LLGL1: variants seen among roughly 807,000 people sequenced by gnomAD.
LLGL1 encodes the protein lethal(2) giant larvae protein homolog 1.
A neutral mutation model predicts 110.6 loss-of-function variants in LLGL1; 58 were observed. The ratio of observed to expected loss-of-function variants is 0.52; its 90% confidence interval spans 0.42 to 0.65. LLGL1 has a LOEUF of 0.65. Ranked by LOEUF, LLGL1 falls within the 30% of genes least tolerant of loss-of-function variation. LLGL1 has a pLI of 0.00. For missense variants in LLGL1, 1,229 were observed against 1,462.1 expected, an observed-to-expected ratio of 0.84 and a Z score of 2.60; for synonymous variants, 674 against 607.2, an observed-to-expected ratio of 1.11 and a Z score of -1.62.
chr17:18,241,781 T>G, intron 18 of LLGL1, 66 bp downstream of exon 18: 1 of 1,608,288 alleles, frequency 6.2e-7, no homozygotes, highest in Non-Finnish European at 8.5e-7. Flanking sequence ...CCAGTACTGC[T>G]TGGGAGCAGG....
chr17:18,229,185 T>A (rs778812604), intron 1 of LLGL1, among the ~76,000 whole-genome samples: 1 of 152,038 alleles, frequency 6.6e-6, no homozygotes, highest in Non-Finnish European at 1.5e-5. Context: ...GACAGGAGAC[T>A]GGTGCAGAAA....
In LLGL1 at chr17:18,241,998, AG is replaced by A; in HGVS notation, c.2882+1del. The A allele has an allele frequency of 6.2e-7, 1 of 1,610,956 alleles. No individual in the cohort carries two copies. The highest frequency in any genetic ancestry group is 8.5e-7 in the Non-Finnish European group (1 of 1,177,236). On this transcript the variant is annotated frameshift_variant and splice_region_variant, in exon 19 of 23. Transcript: ENST00000316843. LOFTEE classifies it high-confidence loss of function. ...CTGGCCCCGCGATGCCACCCAGGCC[AG>A]GTGTGTGGAGGGGCAGCTCCTAGCC... ...INWPRDATQASYRIRESPKLS... is the reference protein window; with the variant it reads ...INWPRDATQAXYRIRESPKLS...
chr17:18,233,538 C>T (rs937915080), intron 4 of LLGL1, among the ~76,000 whole-genome samples: 13 of 152,174 alleles, frequency 8.5e-5, no homozygotes, highest in South Asian at 2.1e-4. Context: ...GTGGGAGGAG[C>T]TGGGAGCCCA....
intron 14 of LLGL1, 125 bp downstream of exon 14, chr17:18,237,898 C>T: frequency 3.9e-6 from 5 of 1,293,168 alleles, no homozygotes; most frequent in South Asian, 1.4e-5. Flanking sequence ...TAAGAAATAA[C>T]CTGGCAGCTC....
Position 18,240,109 on chromosome 17 carries a change from G to C in LLGL1, c.2207-469G>C, listed in dbSNP as rs933429042. 2.0e-5 allele frequency among the ~76,000 whole-genome samples: 3 copies of C among 152,134 alleles called. No homozygotes were observed. Among genetic ancestry groups the C allele is most frequent in the African/African-American group, 7.2e-5 (3 of 41,420 alleles). ...GTAGGGAGCACACTGAAGACAGTGGGGGTGAAGCAGGGCTAAGACAAGGCA... is the reference window on the plus strand; with the variant it reads ...GTAGGGAGCACACTGAAGACAGTGGCGGTGAAGCAGGGCTAAGACAAGGCA... On this transcript the variant is annotated intron_variant, in intron 16 of 22. Coordinates refer to ENST00000316843, the MANE Select transcript of LLGL1 (RefSeq NM_004140.4). The surrounding 1 kb of genome is among the most constrained non-coding windows in gnomAD (Gnocchi z 5.3).
intron 15 of LLGL1, 112 bp downstream of exon 15, chr17:18,238,326 C>A: frequency 3.2e-6 from 5 of 1,575,992 alleles, no homozygotes; most frequent in Non-Finnish European, 3.4e-6. Context: ...TCGGCAGCCC[C>A]TGGGCCCTCC....
rs2047811813 is a variant in LLGL1, at chr17:18,240,770, GCCGCCCACTGCCCGAGCCCTACGAGGC to G, written c.2401_2427del (p.Arg801_Ala809del). The stretch of plus-strand genomic sequence containing the variant: ...GCCATTGCCGTGTTGGACGGGCGTG[GCCGCCCACTGCCCGAGCCCTACGAGGC>G]CTCACGGGACCTGGCGCAGGCACCT... On this transcript the variant is annotated inframe_deletion, in exon 17 of 23. Coordinates refer to ENST00000316843, the MANE Select transcript of LLGL1 (RefSeq NM_004140.4). The surrounding 1 kb of genome is among the most constrained non-coding windows in gnomAD (Gnocchi z 5.3). 1 of 1,605,828 alleles carries G rather than the reference GCCGCCCACTGCCCGAGCCCTACGAGGC, an allele frequency of 6.2e-7. No homozygotes were observed. Among genetic ancestry groups the G allele is most frequent in the African/African-American group, 1.3e-5 (1 of 74,704 alleles).
chr17:18,231,158 G>T (rs147976107), intron 2 of LLGL1, among the ~76,000 whole-genome samples: 68 of 152,338 alleles, frequency 4.5e-4, no homozygotes, highest in Non-Finnish European at 7.5e-4. Flanking sequence ...TCAGAAAGGA[G>T]GCTGGAGCCC....
chr17:18,228,412 G>T (rs1053302650), intron 1 of LLGL1, among the ~76,000 whole-genome samples: 3 of 152,232 alleles, frequency 2.0e-5, no homozygotes, highest in Non-Finnish European at 2.9e-5. Flanking sequence ...CCTGAGCAGG[G>T]GAGGGACAAG....
At chr17:18,242,971 G>C (rs529425047) in intron 22 of LLGL1, 149 bp downstream of exon 22, 1 of 731,160 alleles carries the variant, frequency 1.4e-6, no homozygotes, top group South Asian at 1.9e-5. Flanking sequence ...CTTCCATGGA[G>C]TGCCTCAATT....
At chr17:18,232,032 C>A (rs1049062280) in intron 2 of LLGL1, among the ~76,000 whole-genome samples, 1 of 152,214 alleles carries the variant, frequency 6.6e-6, no homozygotes, top group African/African-American at 2.4e-5. Context: ...TCTTCTGCCC[C>A]CTGGCTTTCT....
At chr17:18,242,676 G>T in intron 21 of LLGL1, 48 bp downstream of exon 21, 1 of 1,574,104 alleles carries the variant, frequency 6.4e-7, no homozygotes, top group Non-Finnish European at 8.6e-7. Context: ...TGTCCCCTAG[G>T]CCTCCGTCCC....
intron 15 of LLGL1, 63 bp downstream of exon 15, chr17:18,238,277 C>G (rs2047741897): frequency 6.3e-7 from 1 of 1,598,696 alleles, no homozygotes; most frequent in African/African-American, 1.3e-5. Context: ...TGGCTCTGGC[C>G]TGGGACCCCT....
Position 18,232,534 on chromosome 17 carries a change from GGATGCAGCCACTGTCACACA to G in LLGL1, c.226_245del (p.Ala76LeufsTer13). The stretch of plus-strand genomic sequence containing the variant: ...GCGTGGAGTTCACAGGCCTGCACCG[GGATGCAGCCACTGTCACACA>G]GATGCACTTCTTGACCGGCCAGGTG... On this transcript the variant is annotated frameshift_variant, in exon 3 of 23. Transcript: ENST00000316843. LOFTEE classifies it high-confidence loss of function. 1 of 1,614,076 alleles carries G rather than the reference GGATGCAGCCACTGTCACACA, an allele frequency of 6.2e-7. No homozygotes were observed. Among genetic ancestry groups the G allele is most frequent in the Non-Finnish European group, 8.5e-7 (1 of 1,179,978 alleles).
At chr17:18,243,188 A>G (rs2047888683) in intron 22 of LLGL1, among the ~76,000 whole-genome samples, 1 of 151,984 alleles carries the variant, frequency 6.6e-6, no homozygotes, top group African/African-American at 2.4e-5. Flanking sequence ...GCTCACTGCA[A>G]CCTCTGCCTC....
At chr17:18,227,141 C>G (rs2047461824) in intron 1 of LLGL1, among the ~76,000 whole-genome samples, 1 of 152,122 alleles carries the variant, frequency 6.6e-6, no homozygotes, top group South Asian at 2.1e-4. Flanking sequence ...ACGGCTGGAC[C>G]TGGAGTAGTG....
chr17:18,234,471 C>G, intron 7 of LLGL1, 63 bp downstream of exon 7: 1 of 1,594,526 alleles, frequency 6.3e-7, no homozygotes, highest in Non-Finnish European at 8.6e-7. Flanking sequence ...TGAGCCAAGC[C>G]AAACTGGCTG....
chr17:18,236,453 C>T (rs896591000), intron 11 of LLGL1, 154 bp from the exon 12 acceptor site: 9 of 700,950 alleles, frequency 1.3e-5, no homozygotes, highest in East Asian at 5.2e-5. Flanking sequence ...GTGCTGTCTA[C>T]AGTAGGTGCC....
intron 1 of LLGL1, 27 bp from the exon 2 acceptor site, chr17:18,229,914 C>A (rs146042554): frequency 4.5e-6 from 7 of 1,541,900 alleles, no homozygotes; most frequent in Non-Finnish European, 5.3e-6. Flanking sequence ...GGAGTGCTTA[C>A]CCCCAGCAGC....
Sources: allele counts gnomAD v4.1 joint callset (sites outside exome capture counted in the v4.1 genomes callset), GRCh38; gene constraint gnomAD v4.1.1; non-coding constraint Gnocchi (gnomAD v3.1); transcripts MANE v1.5; gene names NCBI Gene and HGNC (gene_info 2026-07-23, HGNC 2026-07-21).